AGRN: variants seen among roughly 807,000 people sequenced by gnomAD.
The protein encoded by AGRN is agrin, also known as agrin proteoglycan.
In AGRN, 106 loss-of-function variants were observed where a neutral mutation model predicts 211.0. The ratio of observed to expected loss-of-function variants is 0.50; its 90% CI spans 0.43 to 0.59. The LOEUF (loss-of-function observed/expected upper bound fraction) is 0.59, where lower values mean the gene tolerates loss of function less well. Ranked by LOEUF, AGRN falls within the 20% of genes least tolerant of loss-of-function variation. AGRN has a pLI of 0.00. For synonymous variants in AGRN, 1,525 were observed against 1,332.5 expected, an observed-to-expected ratio of 1.14 and a Z score of -3.15; for missense variants, 3,040 against 2,982.6, an observed-to-expected ratio of 1.02 and a Z score of -0.45.
chr1:1,045,496 G>C lies in AGRN; in HGVS notation c.2509G>C (p.Val837Leu). The change falls in exon 14 of 36, where the codon GTC becomes CTC. Residue 837 changes from valine (V) to leucine (L), a missense_variant. Val to Leu is a conservative substitution (Grantham distance 32). Around this residue, in one of 3 missense-constraint regions of AGRN, gnomAD observed 1,498 missense variants for 1,457.8 expected, o/e 1.03. Coordinates refer to ENST00000379370, the MANE Select transcript of AGRN (RefSeq NM_198576.4). ...EPGFWNFRGI[V>L]TDGRSGCTPC... ...TGGCTTCTGGAACTTTCGAGGCATC[G>C]TCACCGATGGCCGGAGTGGCTGTAC... The C allele has an allele frequency of 6.2e-7, 1 of 1,612,962 alleles. No individual in the cohort carries two copies. The highest frequency in any genetic ancestry group is 8.5e-7 in the Non-Finnish European group (1 of 1,179,940).
chr1:1,048,735 C>G lies in AGRN; in HGVS notation c.4106-132C>G. ...TGAGCCAGGATCGCGCCACTGCACT[C>G]CAGCCGGGGCAAAAAGAGCAAAACT... On this transcript the variant is annotated intron_variant, in intron 23 of 35. Coordinates refer to ENST00000379370, the MANE Select transcript of AGRN (RefSeq NM_198576.4). This position sits in a 1 kb window ranked among gnomAD's most constrained non-coding sequence, Gnocchi z 5.9. The G allele has an allele frequency of 8.7e-7, 1 of 1,150,774 alleles. No individual in the cohort carries two copies. The highest frequency in any genetic ancestry group is 2.6e-5 in the East Asian group (1 of 38,318). 71.3% of individuals were successfully genotyped at this position (1,150,774 alleles called of 1,614,324 possible).
In AGRN at chr1:1,049,060, G is replaced by T; in HGVS notation, c.4298+1G>T. ...TGCTAGATGGCCGCGTGCAGCTCAG[G>T]TGGGCGGGGAGGGGACGGGGCCGGG... is the stretch of plus-strand genomic sequence containing the variant. On this transcript the variant is annotated splice_donor_variant, in intron 24 of 35. Coordinates refer to ENST00000379370, the MANE Select transcript of AGRN (RefSeq NM_198576.4). LOFTEE classifies it high-confidence loss of function. 6.5e-7 allele frequency: 1 copy of T among 1,542,616 alleles called. No individual in the cohort carries two copies. The highest frequency in any genetic ancestry group is 8.7e-7 in the Non-Finnish European group (1 of 1,147,970).
rs749783956 is a variant in AGRN at position 1,047,860 on chromosome 1, G to A, written c.3716G>A (p.Arg1239Gln). 1.2e-5 allele frequency: 20 copies of A among 1,605,418 alleles called. No individual in the cohort carries two copies. Among genetic ancestry groups the A allele is most frequent in the African/African-American group, 4.0e-5 (3 of 74,750 alleles). The part of the protein sequence containing the change: ...VSRRRSLGVR[R>Q]PLQEHVRFMD... The stretch of plus-strand genomic sequence containing the variant: ...AGGCGCCGGTCCTTGGGGGTGAGGC[G>A]GCCGCTGCAGGAGCACGTGCGATTT... Residue 1239 changes from arginine (R) to glutamine (Q), a missense_variant, in exon 22 of 36, where the codon CGG (arginine) becomes CAG (glutamine). Coordinates refer to ENST00000379370, the MANE Select transcript of AGRN (RefSeq NM_198576.4).
At chr1:1,029,440 A>ACATCAGTGTCTATGCAGGCAGGTC (rs1644601795) in intron 2 of AGRN, among the ~76,000 whole-genome samples, 2 of 4,802 alleles carry the variant, frequency 4.2e-4, no homozygotes, top group Admixed American at 2.3e-3. Flanking sequence ...GCAGGCAGGT[A>ACATCAGTGTCTATGCAGGCAGGTC]GGGGGAGGGG....
At position 1,050,514 on chromosome 1, in the gene AGRN, G is replaced by A; in HGVS notation, c.5064G>A (p.Gly1688=). The A allele has an allele frequency of 6.2e-7, 1 of 1,612,924 alleles. No homozygotes were observed. Among genetic ancestry groups the A allele is most frequent in the Non-Finnish European group, 8.5e-7 (1 of 1,179,908 alleles). ...ACGGGCAGAAGACGGACGGCAAGGG[G>A]GACTTCGTGTCGCTGGCACTGCGGG... ...LYNGQKTDGK[G]DFVSLALRDR... The change falls in exon 29 of 36, where the codon GGG becomes GGA. Residue 1688 remains glycine (G), a synonymous_variant. Coordinates refer to ENST00000379370, the MANE Select transcript of AGRN (RefSeq NM_198576.4).
chr1:1,022,014 G>A (rs966217835), intron 1 of AGRN, among the ~76,000 whole-genome samples, 187 bp from the exon 2 acceptor site: 2 of 152,248 alleles, frequency 1.3e-5, no homozygotes, highest in East Asian at 1.9e-4. Context: ...GAGCGTTCCC[G>A]CATGGGCTGT....
At chr1:1,045,059 C>G (rs948219658) in intron 12 of AGRN, 102 bp from the exon 13 acceptor site, 80 of 1,308,450 alleles carry the variant, frequency 6.1e-5, no homozygotes, top group Non-Finnish European at 7.8e-5. Flanking sequence ...GGGATCGGGA[C>G]GGCTGAGTGG....
intron 31 of AGRN, 40 bp downstream of exon 31, chr1:1,051,409 G>C (rs544814468): frequency 1.3e-6 from 2 of 1,543,342 alleles, no homozygotes; most frequent in South Asian, 1.2e-5. Context: ...CCTCCGGGGC[G>C]GGCGGGGTGG....
At chr1:1,035,813 T>C (rs1468815746) in intron 3 of AGRN, among the ~76,000 whole-genome samples, 1 of 145,408 alleles carries the variant, frequency 6.9e-6, no homozygotes, top group Non-Finnish European at 1.5e-5. Flanking sequence ...CGGCAGTCTG[T>C]CCCTGGGACT....
In AGRN at chr1:1,039,898, T is replaced by TG. The variant is rs545928651; in HGVS notation, c.512-761dup. ...CAGAAGGGCACAGGCCTGCCGCGGG[T>TG]GGGGGGCTGGCCAGGGAGAATAGGA... is the stretch of plus-strand genomic sequence containing the variant. On this transcript the variant is annotated intron_variant, in intron 3 of 35. Transcript: ENST00000379370. 1.7e-4 allele frequency among the ~76,000 whole-genome samples: 25 copies of TG among 144,472 alleles called. No individual in the cohort carries two copies. In the East Asian group the frequency reaches 4.2e-3, roughly 24 times the overall value. The allele number at this position is 144,472 out of a possible 152,430, so 94.8% of individuals were successfully genotyped here.
chr1:1,032,658 G>C lies in AGRN; in HGVS notation c.464-2619G>C, dbSNP rs1364362460. On this transcript the variant is annotated intron_variant, in intron 2 of 35. Coordinates refer to ENST00000379370, the MANE Select transcript of AGRN (RefSeq NM_198576.4). This position sits in a 1 kb window ranked among gnomAD's most constrained non-coding sequence, Gnocchi z 4.7. ...TGAGACCGAGTGTGGCAGATGGCTTGGTCCGCGGTGCTGGAGGGGACTGGC... is the reference window on the plus strand; with the variant it reads ...TGAGACCGAGTGTGGCAGATGGCTTCGTCCGCGGTGCTGGAGGGGACTGGC... 2.6e-5 allele frequency among the ~76,000 whole-genome samples: 4 copies of C among 152,210 alleles called. No homozygotes were observed. The highest frequency in any genetic ancestry group is 9.7e-5 in the African/African-American group (4 of 41,442).
chr1:1,041,237 C>G lies in AGRN; in HGVS notation c.792C>G (p.Asp264Glu). 1 of 1,487,810 alleles carries G rather than the reference C, an allele frequency of 6.7e-7. No homozygotes were observed. The highest frequency in any genetic ancestry group is 8.9e-7 in the Non-Finnish European group (1 of 1,125,248). The allele number at this position is 1,487,810 out of a possible 1,614,324, so 92.2% of individuals were successfully genotyped here. A position where few individuals can be genotyped will look rare whatever the true frequency, so the allele number is the denominator to read the frequency against. The change falls in exon 5 of 36, where the codon GAC (aspartate) becomes GAG (glutamate). Residue 264 changes from aspartate to glutamate, a missense_variant. Asp to Glu is a conservative substitution (Grantham distance 45). Around this residue, in one of 3 missense-constraint regions of AGRN, gnomAD observed 1,498 missense variants for 1,457.8 expected, o/e 1.03. Transcript: ENST00000379370. The part of the protein sequence containing the change: ...SFGSTCARSA[D>E]GLTASCLCPA... Reference sequence around the variant, plus strand: ...GCAGCACCTGTGCGCGCTCGGCCGACGGGCTGACGGCCTCGTGCCTGTGCC... The same window carrying G: ...GCAGCACCTGTGCGCGCTCGGCCGAGGGGCTGACGGCCTCGTGCCTGTGCC...
chr1:1,052,098 C>A, intron 33 of AGRN: 4 of 1,410,952 alleles, frequency 2.8e-6, no homozygotes, highest in Non-Finnish European at 3.8e-6. Context: ...CCGGAGCCCC[C>A]GGGGAACTTT....
Position 1,032,838 on chromosome 1 carries a change from C to G in AGRN, c.464-2439C>G, listed in dbSNP as rs547615355. Among the ~76,000 whole-genome samples, 3 of 152,196 alleles carry G rather than the reference C, an allele frequency of 2.0e-5. No homozygotes were observed. In the East Asian group the frequency reaches 5.8e-4, roughly 29 times the overall value. ...GGGTGGCCAGGGGTGTGCGGGGGCGCTGAGGTGCGGTCGCCGAGAGATTCT... is the reference window on the plus strand; with the variant it reads ...GGGTGGCCAGGGGTGTGCGGGGGCGGTGAGGTGCGGTCGCCGAGAGATTCT... On this transcript the variant is annotated intron_variant, in intron 2 of 35. Transcript: ENST00000379370. This position sits in a 1 kb window ranked among gnomAD's most constrained non-coding sequence, Gnocchi z 4.7.
In AGRN at chr1:1,049,003, C is replaced by G. The variant is rs760570648; in HGVS notation, c.4242C>G (p.Asn1414Lys). The G allele has an allele frequency of 1.9e-6, 3 of 1,580,264 alleles. No individual in the cohort carries two copies. The highest frequency in any genetic ancestry group is 2.6e-6 in the Non-Finnish European group (3 of 1,165,458). ...AGGGGCTGCTGCTGTACAATGGCAA[C>G]GCCCGGGGCAAGGACTTCCTGGCAT... ...EPQGLLLYNG[N>K]ARGKDFLALA... The change falls in exon 24 of 36, where the codon AAC (asparagine) becomes AAG (lysine). Residue 1414 changes from asparagine (N) to lysine (K), a missense_variant. Asn to Lys is a moderately conservative substitution (Grantham distance 94). This residue lies in a region of AGRN where 1,537 missense variants were observed against 1,505.0 expected (regional missense o/e 1.02). Transcript: ENST00000379370.
Position 1,050,558 on chromosome 1 carries a change from G to T in AGRN, c.5108G>T (p.Arg1703Leu), listed in dbSNP as rs371946683. ...CTGCGGGACCGCCGCCTGGAGTTCC[G>T]CTACGACCTGGGCAAGGGGGCAGCG... is the stretch of plus-strand genomic sequence containing the variant. Reference protein sequence around the residue: ...LALRDRRLEFRYDLGKGAAVI... With the variant: ...LALRDRRLEFLYDLGKGAAVI... Residue 1703 changes from arginine to leucine, a missense_variant, in exon 29 of 36, where the codon CGC (arginine) becomes CTC (leucine). Arg to Leu is a moderately radical substitution (Grantham distance 102, BLOSUM62 -2). Transcript: ENST00000379370. 14 of 1,612,318 alleles carry T rather than the reference G, an allele frequency of 8.7e-6. No homozygotes were observed. Among genetic ancestry groups the T allele is most frequent in the East Asian group, 6.7e-5 (3 of 44,866 alleles).
Position 1,033,963 on chromosome 1 carries a change from C to T in AGRN, c.464-1314C>T, listed in dbSNP as rs555416610. ...AGGCGGCTTCCTTTGTCTCTGCTCC[C>T]GCCCTCCCTCCGCGGCGTCTTCGCC... On this transcript the variant is annotated intron_variant, in intron 2 of 35. Transcript: ENST00000379370. 2.3e-3 allele frequency: 605 copies of T among 267,520 alleles called. 7 individuals carry two copies. Among genetic ancestry groups the T allele is most frequent in the African/African-American group, 0.013 (581 of 43,458 alleles). The allele number at this position is 267,520 out of a possible 1,614,324, so 16.6% of individuals were successfully genotyped here. A position where few individuals can be genotyped will look rare whatever the true frequency, so the allele number is the denominator to read the frequency against.
At position 1,045,862 on chromosome 1, in the gene AGRN, C is replaced by A. The variant is rs532395667; in HGVS notation, c.2666C>A (p.Ala889Glu). 2 of 1,610,854 alleles carry A rather than the reference C, an allele frequency of 1.2e-6. No homozygotes were observed. The highest frequency in any genetic ancestry group is 1.7e-5 in the Admixed American group (1 of 59,992). ...CCAGACGGCCGTGCCCTGGGCCCCG[C>A]GGGCTGTGAAGCTGGTGAGTGAGGG... The part of the protein sequence containing the change: ...QCPDGRALGP[A>E]GCEADASAPA... Residue 889 changes from alanine (A) to glutamate (E), a missense_variant, in exon 15 of 36, where the codon GCG becomes GAG. Around this residue, in one of 3 missense-constraint regions of AGRN, gnomAD observed 1,498 missense variants for 1,457.8 expected, o/e 1.03. Coordinates refer to ENST00000379370, the MANE Select transcript of AGRN (RefSeq NM_198576.4).
intron 2 of AGRN, among the ~76,000 whole-genome samples, chr1:1,024,962 G>A (rs941761515): frequency 2.0e-5 from 3 of 152,084 alleles, no homozygotes; most frequent in East Asian, 3.9e-4. Context: ...CAGGGCTGGC[G>A]GCTGAGCGGG....
Sources: gnomAD v4.1 joint callset for allele counts (sites outside exome capture counted in the v4.1 genomes callset) on GRCh38, gnomAD v4.1.1 for gene constraint, gnomAD v4.1.1 regional missense constraint, Gnocchi (gnomAD v3.1) non-coding constraint, MANE v1.5 for transcripts, NCBI Gene and HGNC (gene_info 2026-07-23, HGNC 2026-07-21) for gene names.